Variants in CMSS1 observed in about 807,000 individuals in gnomAD.
The protein encoded by CMSS1 is protein CMSS1.
In CMSS1, 33 loss-of-function variants were observed where a neutral mutation model predicts 43.5. The observed-to-expected ratio is 0.76, with a 90% CI of 0.57 to 1.01. The LOEUF (loss-of-function observed/expected upper bound fraction) is 1.01, where lower values mean the gene tolerates loss of function less well. CMSS1 is among the 50% of genes least tolerant of loss of function. The pLI is 0.00. For synonymous variants in CMSS1, 115 were observed against 117.2 expected, an observed-to-expected ratio of 0.98 and a Z score of 0.12; for missense variants, 313 against 326.4, an observed-to-expected ratio of 0.96 and a Z score of 0.32.
chr3:100,014,501 C>G (rs1710261130), intron 1 of CMSS1, among the ~76,000 whole-genome samples: 1 of 152,016 alleles, frequency 6.6e-6, no homozygotes, highest in African/African-American at 2.4e-5. Flanking sequence ...CTCACCAACA[C>G]TTTTCTTTTG....
At chr3:100,040,702 G>A (rs1363950402) in intron 1 of CMSS1, 2 of 152,174 alleles carry the variant, frequency 1.3e-5, no homozygotes, top group Non-Finnish European at 2.9e-5. Context: ...ACTATTACAG[G>A]CTGAACAGGA....
chr3:99,905,228 C>G (rs1011396594), intron 1 of CMSS1, among the ~76,000 whole-genome samples: 1 of 152,242 alleles, frequency 6.6e-6, no homozygotes, highest in Admixed American at 6.5e-5. Flanking sequence ...CTATCATCTA[C>G]TACTGTTTCA....
intron 1 of CMSS1, among the ~76,000 whole-genome samples, chr3:100,059,412 A>C (rs1347580464): frequency 2.0e-5 from 3 of 152,098 alleles, no homozygotes; most frequent in African/African-American, 7.2e-5. Flanking sequence ...CGTGATCATC[A>C]CTGCTTTCCC....
intron 1 of CMSS1, among the ~76,000 whole-genome samples, chr3:100,036,852 T>C (rs931184188): frequency 2.6e-5 from 4 of 152,222 alleles, no homozygotes; most frequent in Admixed American, 1.3e-4. Flanking sequence ...CTTGTGCTTC[T>C]TGATATTACG....
At chr3:99,848,106 G>C in intron 1 of CMSS1, 1 of 1,439,680 alleles carries the variant, frequency 6.9e-7, no homozygotes, top group East Asian at 2.5e-5. Flanking sequence ...GTGCACACTC[G>C]ATATGACTAT....
chr3:99,959,440 G>A (rs896715565), intron 1 of CMSS1, among the ~76,000 whole-genome samples: 13 of 152,166 alleles, frequency 8.5e-5, no homozygotes, highest in Non-Finnish European at 1.8e-4. Flanking sequence ...GTGAGCCACC[G>A]GGCCTGGCCA....
At chr3:99,818,092 C>T (rs1212508533) in intron 1 of CMSS1, 49 bp downstream of exon 1, 2 of 1,572,734 alleles carry the variant, frequency 1.3e-6, no homozygotes, top group African/African-American at 2.7e-5. Flanking sequence ...CGGAGCCCTT[C>T]CGTGCGCCTC....
chr3:100,124,768 G>A (rs2066649984), intron 1 of CMSS1, among the ~76,000 whole-genome samples: 2 of 152,168 alleles, frequency 1.3e-5, no homozygotes, highest in Non-Finnish European at 2.9e-5. Context: ...AGGCTCTGGG[G>A]ACAGGACCTG....
intron 1 of CMSS1, chr3:100,051,212 G>A (rs1010510192): frequency 2.0e-5 from 3 of 151,702 alleles, no homozygotes; most frequent in African/African-American, 4.8e-5. Context: ...TATTTTTTCC[G>A]ATATTCTGTT....
chr3:100,112,271 C>A (rs1034527513), intron 1 of CMSS1, among the ~76,000 whole-genome samples: 1 of 151,968 alleles, frequency 6.6e-6, no homozygotes, highest in Non-Finnish European at 1.5e-5. Flanking sequence ...GAAAATTTTG[C>A]TTTAGGTTAG....
intron 1 of CMSS1, among the ~76,000 whole-genome samples, chr3:100,054,953 T>G (rs1483363111): frequency 6.6e-6 from 1 of 152,236 alleles, no homozygotes. Context: ...TCCAGAAACT[T>G]CTGAATGCCC....
intron 1 of CMSS1, among the ~76,000 whole-genome samples, chr3:99,863,678 T>C (rs955449220): frequency 3.3e-5 from 5 of 152,242 alleles, no homozygotes; most frequent in African/African-American, 1.2e-4. Context: ...TAGATTAAAT[T>C]AGTATTCCTA....
At chr3:99,905,933 TTGTAGTCC>T (rs1383609709) in intron 1 of CMSS1, among the ~76,000 whole-genome samples, 1 of 152,194 alleles carries the variant, frequency 6.6e-6, no homozygotes, top group Non-Finnish European at 1.5e-5. Flanking sequence ...TGGCTCATGC[TTGTAGTCC>T]CAGCAGTTTG....
Position 100,181,293 on chromosome 3 carries a change from T to C in CMSS1, c.*2905T>C, listed in dbSNP as rs981787046. The stretch of plus-strand genomic sequence containing the variant: ...ATATAATTACAGCTGTCTTATTAAC[T>C]TTTTTTTAAAAACTTTCTATTTTGA... On this transcript the variant is annotated 3_prime_UTR_variant, in exon 10 of 10. Transcript: ENST00000421999. The C allele has an allele frequency of 2.6e-5, 4 of 152,164 alleles. No homozygotes were observed. The highest frequency in any genetic ancestry group is 9.7e-5 in the African/African-American group (4 of 41,436). 9.4% of individuals were successfully genotyped at this position (152,164 alleles called of 1,614,324 possible).
Position 99,849,002 on chromosome 3 carries a change from G to C in CMSS1, c.64+30959G>C, listed in dbSNP as rs761044043. The C allele has an allele frequency of 7.4e-6, 12 of 1,614,142 alleles. No homozygotes were observed. In the East Asian group the frequency reaches 8.9e-5, roughly 12 times the overall value. On this transcript the variant is annotated intron_variant, in intron 1 of 9. Coordinates refer to ENST00000421999, the MANE Select transcript of CMSS1 (RefSeq NM_032359.4). ...TGCCCAGGTGTGTGGCTTAGGACTA[G>C]ATCTCCAGGTTGCACAAAGTTGGCA...
chr3:99,979,675 A>G (rs991802593), intron 1 of CMSS1, among the ~76,000 whole-genome samples: 1 of 152,228 alleles, frequency 6.6e-6, no homozygotes, highest in Non-Finnish European at 1.5e-5. Context: ...TACAAAAATC[A>G]TTAATTAAAA....
chr3:100,164,719 A>ATCTAAGCTAGAT (rs1559777392), intron 4 of CMSS1, among the ~76,000 whole-genome samples: 1 of 152,114 alleles, frequency 6.6e-6, no homozygotes, highest in Non-Finnish European at 1.5e-5. Flanking sequence ...AAGGAGATAC[A>ATCTAAGCTAGAT]GTGGGTTATT....
Position 99,817,940 on chromosome 3 carries a change from C to T in CMSS1, c.-40C>T, listed in dbSNP as rs761115903. 34 of 1,607,986 alleles carry T rather than the reference C, an allele frequency of 2.1e-5. 1 individual carries two copies. In the South Asian group the frequency reaches 2.9e-4, roughly 14 times the overall value. On this transcript the variant is annotated 5_prime_UTR_variant, in exon 1 of 10. Coordinates refer to ENST00000421999, the MANE Select transcript of CMSS1 (RefSeq NM_032359.4). ...AACGTGATTCTCCGCAGCTGGTCGC[C>T]TACCCGTGATGTTCTGCCCACGTCG...
rs552142125 is a variant in CMSS1 at position 99,860,833 on chromosome 3, G to A, written c.64+42790G>A. ...ACTTCTGCAGTACTGTATTGTTAGG[G>A]AGCTTTCTAGTAAGAACCTTTGGAC... On this transcript the variant is annotated intron_variant, in intron 1 of 9. Coordinates refer to ENST00000421999, the MANE Select transcript of CMSS1 (RefSeq NM_032359.4). 2.6e-5 allele frequency among the ~76,000 whole-genome samples: 4 copies of A among 152,248 alleles called. No individual in the cohort carries two copies. In the South Asian group the frequency reaches 8.3e-4, roughly 32 times the overall value.
Sources: allele counts gnomAD v4.1 joint callset (sites outside exome capture counted in the v4.1 genomes callset), GRCh38; gene constraint gnomAD v4.1.1; transcripts MANE v1.5; gene names NCBI Gene and HGNC (gene_info 2026-07-23, HGNC 2026-07-21).